Variants in HMGB3 observed in about 807,000 individuals in gnomAD.
The protein encoded by HMGB3 is high mobility group protein B3.
Under a neutral mutation model 12.9 loss-of-function variants are expected in HMGB3, and 1 was observed. That is an observed-to-expected ratio of 0.08 (90% confidence interval 0.03 to 0.37). HMGB3 has a LOEUF of 0.37. Among genes scored for constraint, HMGB3 ranks in the 10% least tolerant of loss-of-function variants. The pLI is 0.99. For synonymous variants in HMGB3, 61 were observed against 53.9 expected (o/e 1.13, Z -0.57); for missense variants, 74 against 153.3 (o/e 0.48, Z 2.73).
In HMGB3 at chrX:150,990,164, T is replaced by C. The variant is rs988561390; in HGVS notation, c.*2250T>C. The C allele has an allele frequency of 1.1e-4, 12 of 112,110 alleles. No homozygotes were observed. The highest frequency in any genetic ancestry group is 1.0e-3 in the Admixed American group (11 of 10,504). The allele number at this position is 112,110 out of a possible 1,213,427, so 9.2% of individuals were successfully genotyped here. A position where few individuals can be genotyped will look rare whatever the true frequency, so the allele number is the denominator to read the frequency against. ...CGTCAAATATGGAAGAGAAACAACC[T>C]GCGGTCAAAAGGGAGTGATTTGTTA... On this transcript the variant is annotated 3_prime_UTR_variant, in exon 5 of 5. Transcript: ENST00000325307.
At position 150,985,656 on chromosome X, in the gene HMGB3, T is replaced by C; in HGVS notation, c.57T>C (p.Phe19=). The change falls in exon 2 of 5, where the codon TTT becomes TTC. Residue 19 remains phenylalanine (F), a synonymous_variant. Transcript: ENST00000325307. ...GCAAGATGTCCGCTTATGCCTTCTT[T>C]GTGCAGACATGCAGAGAAGAACATA... ...PKGKMSAYAF[F]VQTCREEHKK... is the part of the protein sequence containing the mutation. 8.3e-7 allele frequency: 1 copy of C among 1,205,318 alleles called. No homozygotes were observed. The highest frequency in any genetic ancestry group is 1.8e-5 in the South Asian group (1 of 56,815).
In HMGB3 at chrX:150,986,640, T is replaced by TAC. The variant is rs1181433449; in HGVS notation, c.290+461_290+462dup. On this transcript the variant is annotated intron_variant, in intron 3 of 4. Coordinates refer to ENST00000325307, the MANE Select transcript of HMGB3 (RefSeq NM_005342.4). ...TATACGCATATATTTTATATATGCATACACACACACACGCATACATATTTG... is the reference window on the plus strand; with the variant it reads ...TATACGCATATATTTTATATATGCATACACACACACACACGCATACATATTTG... 7.2e-5 allele frequency among the ~76,000 whole-genome samples: 8 copies of TAC among 110,756 alleles called. 1 individual carries two copies. The highest frequency in any genetic ancestry group is 9.6e-5 in the Admixed American group (1 of 10,363).
At chrX:150,982,212 T>C (rs1305512958), upstream of HMGB3, among the ~76,000 whole-genome samples, 2 of 111,859 alleles carry the variant, frequency 1.8e-5, no homozygotes, top group Admixed American at 9.5e-5. Context: ...GACTGTCCTA[T>C]GCAATGTAGG....
At chrX:150,981,750 T>C (rs1042017699), upstream of HMGB3, among the ~76,000 whole-genome samples, 2 of 111,522 alleles carry the variant, frequency 1.8e-5, no homozygotes, top group African/African-American at 3.3e-5. Context: ...GCCACCGCGC[T>C]TGGCCTCTAT....
At chrX:150,987,069 T>C in intron 3 of HMGB3, 59 bp from the exon 4 acceptor site, 2 of 965,066 alleles carry the variant, frequency 2.1e-6, no homozygotes, top group Non-Finnish European at 2.9e-6. Context: ...GAATGTGGGA[T>C]TTCAACTTTA....
intron 1 of HMGB3, among the ~76,000 whole-genome samples, chrX:150,984,051 C>T (rs1272553930): frequency 1.3e-4 from 13 of 101,299 alleles, no homozygotes; most frequent in Non-Finnish European, 1.8e-4. Flanking sequence ...CGCCCGGCGC[C>T]GCCGCCGCCG....
In HMGB3 at chrX:150,983,339, G is replaced by A; in HGVS notation, c.-43G>A. 1.3e-6 allele frequency: 1 copy of A among 755,713 alleles called. No homozygotes were observed. The highest frequency in any genetic ancestry group is 6.4e-5 in the South Asian group (1 of 15,576). 62.3% of individuals were successfully genotyped at this position (755,713 alleles called of 1,213,427 possible). On this transcript the variant is annotated 5_prime_UTR_variant, in exon 1 of 5. Transcript: ENST00000325307. ...GAGGCTGGGGAGCGCTGAGCCGCGC[G>A]TCGTGCCCTGCGCTGCCCAGACTAG...
chrX:150,989,778 G>A lies in HMGB3; in HGVS notation c.*1864G>A, dbSNP rs2048094102. ...AGTGTTTTTGTGCTATTAATTTTAA[G>A]AGAAAGCAGCTTTTTCTTAAAATTC... On this transcript the variant is annotated 3_prime_UTR_variant, in exon 5 of 5. Coordinates refer to ENST00000325307, the MANE Select transcript of HMGB3 (RefSeq NM_005342.4). The A allele has an allele frequency of 8.9e-6, 1 of 111,918 alleles. No homozygotes were observed. Among genetic ancestry groups the A allele is most frequent in the African/African-American group, 3.3e-5 (1 of 30,757 alleles). 9.2% of individuals were successfully genotyped at this position (111,918 alleles called of 1,213,427 possible).
At chrX:150,983,308 T>C, upstream of HMGB3, 1 of 755,463 alleles carries the variant, frequency 1.3e-6, no homozygotes, top group Non-Finnish European at 1.6e-6. Flanking sequence ...TGGAGGCAGC[T>C]AGCGCGAGGC....
At chrX:150,983,884 C>A (rs2048017428) in intron 1 of HMGB3, among the ~76,000 whole-genome samples, 1 of 106,276 alleles carries the variant, frequency 9.4e-6, no homozygotes, top group African/African-American at 3.3e-5. Context: ...CTGGTGCCCG[C>A]CGGGGGCCGC....
rs1344552629 is a variant in HMGB3 at position 150,985,578 on chromosome X, T to C, written c.-5-17T>C. Reference sequence around the variant, plus strand: ...TGCTTTTCCTCATTGTATTTCTTTGTTTCTCTTTTATCACAGTCAGGATGG... The same window carrying C: ...TGCTTTTCCTCATTGTATTTCTTTGCTTCTCTTTTATCACAGTCAGGATGG... On this transcript the variant is annotated splice_polypyrimidine_tract_variant and intron_variant, in intron 1 of 4. Coordinates refer to ENST00000325307, the MANE Select transcript of HMGB3 (RefSeq NM_005342.4). 7 of 1,154,331 alleles carry C rather than the reference T, an allele frequency of 6.1e-6. No homozygotes were observed. The highest frequency in any genetic ancestry group is 8.1e-6 in the Non-Finnish European group (7 of 869,102).
Position 150,983,391 on chromosome X carries a change from G to A in HMGB3, c.-6+15G>A. The A allele has an allele frequency of 2.7e-6, 2 of 745,588 alleles. No individual in the cohort carries two copies. The highest frequency in any genetic ancestry group is 6.6e-5 in the South Asian group (1 of 15,162). The allele number at this position is 745,588 out of a possible 1,213,427, so 61.4% of individuals were successfully genotyped here. A position where few individuals can be genotyped will look rare whatever the true frequency, so the allele number is the denominator to read the frequency against. On this transcript the variant is annotated intron_variant, in intron 1 of 4. Coordinates refer to ENST00000325307, the MANE Select transcript of HMGB3 (RefSeq NM_005342.4). ...GAACAATACAGGTACGTCTCGCACCGCCCGCTCCCGCCGCCGCCGCCGCCG... is the reference window on the plus strand; with the variant it reads ...GAACAATACAGGTACGTCTCGCACCACCCGCTCCCGCCGCCGCCGCCGCCG...
At position 150,985,686 on chromosome X, in the gene HMGB3, G is replaced by A. The variant is rs781919546; in HGVS notation, c.87G>A (p.Lys29=). ...FVQTCREEHK[K]KNPEVPVNFA... ...AGACATGCAGAGAAGAACATAAGAA[G>A]AAAAACCCAGAGGTCCCTGTCAATT... The change falls in exon 2 of 5, where the codon AAG becomes AAA. Residue 29 remains lysine, a synonymous_variant. Transcript: ENST00000325307. 9 of 1,208,539 alleles carry A rather than the reference G, an allele frequency of 7.4e-6. No homozygotes were observed.
Position 150,990,645 on chromosome X carries a change from C to G in HMGB3, c.*2731C>G, listed in dbSNP as rs2048103237. ...ATGACATTTTATCCTTCGGAAAGAA[C>G]AAGGCTGTGATGTAGTGACTATTGT... On this transcript the variant is annotated 3_prime_UTR_variant, in exon 5 of 5. Coordinates refer to ENST00000325307, the MANE Select transcript of HMGB3 (RefSeq NM_005342.4). 9.1e-6 allele frequency: 1 copy of G among 109,487 alleles called. No individual in the cohort carries two copies. The highest frequency in any genetic ancestry group is 3.3e-5 in the African/African-American group (1 of 30,082). The allele number at this position is 109,487 out of a possible 1,213,427, so 9.0% of individuals were successfully genotyped here.
chrX:150,983,445 C>A (rs868934694), intron 1 of HMGB3, 69 bp downstream of exon 1: 21 of 236,518 alleles, frequency 8.9e-5, no homozygotes, highest in South Asian at 2.4e-4. Context: ...CCGCCGCCGC[C>A]GCCGCCGCAG....
intron 1 of HMGB3, chrX:150,983,635 G>C (rs1484527768): frequency 8.1e-6 from 6 of 743,560 alleles, no homozygotes; most frequent in Non-Finnish European, 9.5e-6. Flanking sequence ...CCCCGCTTTC[G>C]GGGGTCGGCC....
At position 150,990,682 on chromosome X, in the gene HMGB3, G is replaced by C. The variant is rs782181383; in HGVS notation, c.*2768G>C. On this transcript the variant is annotated 3_prime_UTR_variant, in exon 5 of 5. Coordinates refer to ENST00000325307, the MANE Select transcript of HMGB3 (RefSeq NM_005342.4). ...GTAGTGACTATTGTCTGTGTCTCCT[G>C]TGTGTGTCTGTTCTTGTCACAAATG... The C allele has an allele frequency of 9.9e-5, 11 of 111,374 alleles. No individual in the cohort carries two copies. The highest frequency in any genetic ancestry group is 3.6e-4 in the African/African-American group (11 of 30,635). 9.2% of individuals were successfully genotyped at this position (111,374 alleles called of 1,213,427 possible).
chrX:150,987,496 G>A (rs782807916), intron 4 of HMGB3, among the ~76,000 whole-genome samples, 194 bp downstream of exon 4: 1 of 110,933 alleles, frequency 9.0e-6, no homozygotes, highest in South Asian at 3.9e-4. Context: ...ACAACTTCAG[G>A]CTTGAAAAAT....
chrX:150,980,591 TG>T, upstream of HMGB3: 1 of 745,203 alleles, frequency 1.3e-6, no homozygotes, highest in Non-Finnish European at 1.6e-6. Context: ...ATATTTCCTA[TG>T]CAAAGGATGG....
Sources: allele counts gnomAD v4.1 joint callset (sites outside exome capture counted in the v4.1 genomes callset), GRCh38; gene constraint gnomAD v4.1.1; transcripts MANE v1.5; gene names NCBI Gene and HGNC (gene_info 2026-07-23, HGNC 2026-07-21).